Variants in POF1B observed in about 807,000 individuals in gnomAD.
POF1B encodes the protein protein POF1B.
POF1B carries 53 observed loss-of-function variants against 55.3 expected under a neutral mutation model. The observed-to-expected ratio is 0.96, with a 90% CI of 0.77 to 1.20. The LOEUF (loss-of-function observed/expected upper bound fraction) is 1.20. Ranked by LOEUF, POF1B falls within the 50% of genes most tolerant of loss-of-function variation. The probability of loss-of-function intolerance (pLI) is 0.00; values close to 1 mark genes in which losing one functional copy is unlikely to be tolerated. For missense variants in POF1B, 478 were observed against 420.5 expected (o/e 1.14, Z -1.20); for synonymous variants, 188 against 148.3 (o/e 1.27, Z -1.95).
At chrX:85,352,622 G>A (rs919980898) in intron 4 of POF1B, among the ~76,000 whole-genome samples, 1 of 111,358 alleles carries the variant, frequency 9.0e-6, no homozygotes, top group South Asian at 3.7e-4. Context: ...TAAATCTAAA[G>A]CTGGATATAT....
At chrX:85,355,616 AAAAC>A (rs1419325154) in intron 4 of POF1B, among the ~76,000 whole-genome samples, 3 of 111,979 alleles carry the variant, frequency 2.7e-5, no homozygotes, top group Admixed American at 9.5e-5. Flanking sequence ...TTACAAGAAA[AAAAC>A]AAACAACCCC....
At chrX:85,307,005 C>T (rs1022456952) in intron 11 of POF1B, among the ~76,000 whole-genome samples, 158 bp downstream of exon 11, 1 of 111,534 alleles carries the variant, frequency 9.0e-6, no homozygotes, top group African/African-American at 3.2e-5. Flanking sequence ...GGGCTTTCAG[C>T]CATTAGAAAT....
At chrX:85,325,273 A>C (rs1021804816) in intron 7 of POF1B, among the ~76,000 whole-genome samples, 1 of 111,568 alleles carries the variant, frequency 9.0e-6, no homozygotes, top group Non-Finnish European at 1.9e-5. Context: ...ATCCTGAAAT[A>C]TGTTTTCCAA....
chrX:85,308,717 GC>G, intron 9 of POF1B, among the ~76,000 whole-genome samples: 1 of 110,842 alleles, frequency 9.0e-6, no homozygotes, highest in South Asian at 3.9e-4. Flanking sequence ...TCACTCTGTC[GC>G]CTAGGCTGGA....
At chrX:85,368,831 C>A (rs1933773529) in intron 2 of POF1B, among the ~76,000 whole-genome samples, 1 of 111,658 alleles carries the variant, frequency 9.0e-6, no homozygotes, top group Non-Finnish European at 1.9e-5. Flanking sequence ...TGGCGTTACT[C>A]AATCTCCCCA....
chrX:85,372,067 G>A (rs1933831697), intron 2 of POF1B, among the ~76,000 whole-genome samples: 1 of 111,573 alleles, frequency 9.0e-6, no homozygotes, highest in Admixed American at 9.5e-5. Context: ...ATTTGGGGCC[G>A]GGCGTGGTGG....
intron 15 of POF1B, among the ~76,000 whole-genome samples, chrX:85,284,666 T>G (rs1216328239): frequency 9.0e-5 from 10 of 111,693 alleles, no homozygotes; most frequent in African/African-American, 3.3e-4. Context: ...CAAGATGGAT[T>G]AAAGACTTAA....
At chrX:85,322,959 G>C (rs1349258034) in intron 7 of POF1B, among the ~76,000 whole-genome samples, 1 of 109,821 alleles carries the variant, frequency 9.1e-6, no homozygotes, top group Non-Finnish European at 1.9e-5. Flanking sequence ...GTGCTGGAGA[G>C]GATGTGGAGA....
At chrX:85,363,885 C>T (rs1933670284) in intron 3 of POF1B, among the ~76,000 whole-genome samples, 1 of 111,358 alleles carries the variant, frequency 9.0e-6, no homozygotes, top group Non-Finnish European at 1.9e-5. Context: ...GAGTCTGCAT[C>T]TCTTTGTAGG....
intron 16 of POF1B, among the ~76,000 whole-genome samples, chrX:85,281,521 A>G (rs1221413445): frequency 9.1e-6 from 1 of 110,112 alleles, no homozygotes; most frequent in Non-Finnish European, 1.9e-5. Context: ...TCCCCTTAGC[A>G]ATGGATTGGA....
chrX:85,353,857 A>G (rs150719746), intron 4 of POF1B, among the ~76,000 whole-genome samples: 1,959 of 111,437 alleles, frequency 0.018, 43 homozygotes, highest in African/African-American at 0.06. Context: ...AAGAGAAAAT[A>G]TTGTAATTTA....
At chrX:85,346,365 G>C (rs1603062651) in intron 5 of POF1B, among the ~76,000 whole-genome samples, 1 of 109,394 alleles carries the variant, frequency 9.1e-6, no homozygotes, top group South Asian at 3.9e-4. Flanking sequence ...ATATTACTTT[G>C]ATGATTCAGT....
chrX:85,341,639 A>G (rs12012750), intron 6 of POF1B, among the ~76,000 whole-genome samples: 2 of 110,307 alleles, frequency 1.8e-5, no homozygotes, highest in Non-Finnish European at 1.9e-5. Flanking sequence ...CAATAATGGG[A>G]TTGAAGAGGG....
chrX:85,319,990 A>T (rs1235772763), intron 7 of POF1B, among the ~76,000 whole-genome samples: 6 of 110,969 alleles, frequency 5.4e-5, no homozygotes, highest in African/African-American at 2.0e-4. Flanking sequence ...TTGTGAATGC[A>T]TCTATCTGGT....
chrX:85,345,811 T>A, intron 6 of POF1B, 49 bp downstream of exon 6: 1 of 1,076,382 alleles, frequency 9.3e-7, no homozygotes, highest in Non-Finnish European at 1.2e-6. Context: ...ATGAGAAGAG[T>A]TCAAGAACAT....
At chrX:85,336,701 T>C (rs1468207096) in intron 6 of POF1B, among the ~76,000 whole-genome samples, 1 of 111,594 alleles carries the variant, frequency 9.0e-6, no homozygotes, top group East Asian at 2.8e-4. Context: ...TATATTCTGG[T>C]TATTACCTCC....
rs901407840 is a variant in POF1B, at chrX:85,345,409, A to T, written c.723+451T>A. 4.5e-5 allele frequency among the ~76,000 whole-genome samples: 5 copies of T among 111,671 alleles called. 1 individual carries two copies. Among genetic ancestry groups the T allele is most frequent in the Admixed American group, 3.8e-4 (4 of 10,455 alleles). ...ACTTGATTCTCAAGACAAATAATAT[A>T]TTCTCAAAGAAGACATACAGAAAAT... On this transcript the variant is annotated intron_variant, in intron 6 of 16. Coordinates refer to ENST00000262753, the MANE Select transcript of POF1B (RefSeq NM_024921.4).
intron 15 of POF1B, among the ~76,000 whole-genome samples, chrX:85,285,380 A>G (rs915465540): frequency 7.2e-5 from 8 of 111,183 alleles, no homozygotes; most frequent in African/African-American, 2.6e-4. Flanking sequence ...TATTCACAAC[A>G]GCAAAGACTT....
intron 7 of POF1B, among the ~76,000 whole-genome samples, chrX:85,325,747 C>T (rs1302137699): frequency 1.8e-5 from 2 of 112,133 alleles, no homozygotes; most frequent in African/African-American, 6.5e-5. Flanking sequence ...TAGGAAGGCA[C>T]TCTGGCTTTT....
Sources: gnomAD v4.1 joint callset for allele counts (sites outside exome capture counted in the v4.1 genomes callset) on GRCh38, gnomAD v4.1.1 for gene constraint, MANE v1.5 for transcripts, NCBI Gene and HGNC (gene_info 2026-07-23, HGNC 2026-07-21) for gene names.